The following SLC26A3 variants were observed in gnomAD, a reference collection of about 807,000 sequenced individuals.
The protein encoded by SLC26A3 is solute carrier family 26 member 3.
SLC26A3 carries 64 observed loss-of-function variants against 85.6 expected under a neutral mutation model. The observed-to-expected ratio is 0.75, with a 90% confidence interval of 0.61 to 0.92. The LOEUF (loss-of-function observed/expected upper bound fraction) is 0.92, where lower values mean the gene tolerates loss of function less well. Among genes scored for constraint, SLC26A3 ranks in the 40% least tolerant of loss-of-function variants. SLC26A3 has a pLI of 0.00. For missense variants in SLC26A3, 922 were observed against 927.3 expected, an observed-to-expected ratio of 0.99 and a Z score of 0.07; for synonymous variants, 349 against 336.0, an observed-to-expected ratio of 1.04 and a Z score of -0.42.
In SLC26A3 at chr7:107,773,989, G is replaced by T. The variant is rs949293950; in HGVS notation, c.1938C>A (p.Leu646=). ...CTGAAAAGTCAAGAATGAGGCTGTGGAGGCTGATTTTGGGGACCTCAATGT... is the reference window on the plus strand; with the variant it reads ...CTGAAAAGTCAAGAATGAGGCTGTGTAGGCTGATTTTGGGGACCTCAATGT... ...PLNIEVPKIS[L]HSLILDFSAV... Residue 646 remains leucine, a synonymous_variant, in exon 17 of 21, where the codon CTC becomes CTA. Coordinates refer to ENST00000340010, the MANE Select transcript of SLC26A3 (RefSeq NM_000111.3). The T allele has an allele frequency of 2.5e-6, 4 of 1,614,182 alleles. No homozygotes were observed. The highest frequency in any genetic ancestry group is 3.4e-6 in the Non-Finnish European group (4 of 1,180,016).
chr7:107,786,007 C>T (rs1049304680), intron 8 of SLC26A3, among the ~76,000 whole-genome samples: 5 of 152,182 alleles, frequency 3.3e-5, no homozygotes, highest in African/African-American at 1.2e-4. Context: ...TCTCAATCCA[C>T]TGAATGTAAT....
At position 107,801,824 on chromosome 7, in the gene SLC26A3, A is replaced by G. The variant is rs186342846; in HGVS notation, c.-89+1287T>C. On this transcript the variant is annotated intron_variant, in intron 1 of 20. Transcript: ENST00000340010. ...GCCGGATGGGGTGGCACATGCCTGTAATCCTAGCACTTTGGGAGACTGAGG... is the reference window on the plus strand; with the variant it reads ...GCCGGATGGGGTGGCACATGCCTGTGATCCTAGCACTTTGGGAGACTGAGG... Among the ~76,000 whole-genome samples, 183 of 151,174 alleles carry G rather than the reference A, an allele frequency of 1.2e-3. 1 individual carries two copies. Among genetic ancestry groups the G allele is most frequent in the African/African-American group, 4.3e-3 (177 of 40,690 alleles).
chr7:107,787,783 T>C (rs540540351), intron 6 of SLC26A3, among the ~76,000 whole-genome samples: 6 of 152,218 alleles, frequency 3.9e-5, no homozygotes, highest in Non-Finnish European at 8.8e-5. Context: ...TAGTGTCAAA[T>C]TTTGTTGGAT....
At position 107,774,180 on chromosome 7, in the gene SLC26A3, A is replaced by G. The variant is rs369201350; in HGVS notation, c.1774-27T>C. 9 of 1,541,988 alleles carry G rather than the reference A, an allele frequency of 5.8e-6. No homozygotes were observed. In the African/African-American group the frequency reaches 1.1e-4, roughly 19 times the overall value. The stretch of plus-strand genomic sequence containing the variant: ...TGCAGGAGAGGATAACAAGTATGAA[A>G]ACTGTGACCAAGAAAAACATTGTGT... On this transcript the variant is annotated intron_variant, in intron 16 of 20. Coordinates refer to ENST00000340010, the MANE Select transcript of SLC26A3 (RefSeq NM_000111.3).
rs752239145 is a variant in SLC26A3, at chr7:107,776,483, A to G, written c.1646T>C (p.Ile549Thr). The G allele has an allele frequency of 2.5e-6, 4 of 1,614,122 alleles. No individual in the cohort carries two copies. The highest frequency in any genetic ancestry group is 2.5e-6 in the Non-Finnish European group (3 of 1,179,962). The change falls in exon 15 of 21, where the codon ATT (isoleucine) becomes ACT (threonine). Residue 549 changes from isoleucine (I) to threonine (T), a missense_variant. Coordinates refer to ENST00000340010, the MANE Select transcript of SLC26A3 (RefSeq NM_000111.3). Reference protein sequence around the residue: ...RCPSPIYFANIGFFRRKLIDA... With the variant: ...RCPSPIYFANTGFFRRKLIDA... Reference sequence around the variant, plus strand: ...GATAAGTTTCCGCCTAAAGAAACCAATGTTTGCAAAGTAGATAGGAGATGG... The same window carrying G: ...GATAAGTTTCCGCCTAAAGAAACCAGTGTTTGCAAAGTAGATAGGAGATGG...
chr7:107,795,250 A>G (rs1469746729), intron 1 of SLC26A3, among the ~76,000 whole-genome samples: 2 of 152,190 alleles, frequency 1.3e-5, no homozygotes, highest in Non-Finnish European at 2.9e-5. Context: ...TAATGGGGAT[A>G]AAGATATTCA....
intron 15 of SLC26A3, 54 bp downstream of exon 15, chr7:107,776,398 T>C (rs1794115665): frequency 7.4e-7 from 1 of 1,354,670 alleles, no homozygotes; most frequent in Non-Finnish European, 1.1e-6. Context: ...ACAATGACAT[T>C]CCCAGAATTC....
intron 18 of SLC26A3, among the ~76,000 whole-genome samples, chr7:107,768,241 G>A (rs1793948737): frequency 1.3e-5 from 2 of 152,204 alleles, no homozygotes; most frequent in South Asian, 4.1e-4. Context: ...AGAGTATCAA[G>A]TGTGGCTTCT....
At position 107,782,842 on chromosome 7, in the gene SLC26A3, C is replaced by A; in HGVS notation, c.1266G>T (p.Leu422=). The part of the protein sequence containing the change: ...IAGLIGAIIV[L]IVVLAIGFLL... Reference sequence around the variant, plus strand: ...GAAATCCAATGGCTAGAACGACAATCAGCACGATGATGGCACCAATAAGCC... The same window carrying A: ...GAAATCCAATGGCTAGAACGACAATAAGCACGATGATGGCACCAATAAGCC... Residue 422 remains leucine, a synonymous_variant, in exon 11 of 21, where the codon CTG becomes CTT. Coordinates refer to ENST00000340010, the MANE Select transcript of SLC26A3 (RefSeq NM_000111.3). 6.2e-7 allele frequency: 1 copy of A among 1,614,126 alleles called. No individual in the cohort carries two copies.
chr7:107,779,140 T>A (rs1794176948), intron 12 of SLC26A3, among the ~76,000 whole-genome samples: 1 of 152,186 alleles, frequency 6.6e-6, no homozygotes, highest in African/African-American at 2.4e-5. Flanking sequence ...CAAGTGTAGT[T>A]TACTAGTTAT....
chr7:107,781,639 A>C (rs1794216299), intron 11 of SLC26A3, among the ~76,000 whole-genome samples: 1 of 152,134 alleles, frequency 6.6e-6, no homozygotes, highest in South Asian at 2.1e-4. Context: ...TTATTTTGAA[A>C]TCAGAAGTAT....
chr7:107,795,106 A>G (rs1794474526), intron 1 of SLC26A3, among the ~76,000 whole-genome samples: 1 of 152,182 alleles, frequency 6.6e-6, no homozygotes, highest in Non-Finnish European at 1.5e-5. Flanking sequence ...TGGGAGTTAG[A>G]GTTTTACAAT....
At position 107,767,916 on chromosome 7, in the gene SLC26A3, G is replaced by T; in HGVS notation, c.2063-8C>A. On this transcript the variant is annotated splice_polypyrimidine_tract_variant and splice_region_variant and intron_variant, in intron 18 of 20. Transcript: ENST00000340010. ...GCTTCTCAATGAAGTCATCTGAAGAGAAAAAAACAGTAACTTTTAGGAAGA... is the reference window on the plus strand; with the variant it reads ...GCTTCTCAATGAAGTCATCTGAAGATAAAAAAACAGTAACTTTTAGGAAGA... The T allele has an allele frequency of 6.2e-7, 1 of 1,612,496 alleles. No homozygotes were observed. Among genetic ancestry groups the T allele is most frequent in the South Asian group, 1.1e-5 (1 of 90,962 alleles).
At position 107,793,873 on chromosome 7, in the gene SLC26A3, G is replaced by A; in HGVS notation, c.140C>T (p.Pro47Leu). The A allele has an allele frequency of 2.5e-6, 4 of 1,614,018 alleles. No individual in the cohort carries two copies. The highest frequency in any genetic ancestry group is 3.4e-6 in the Non-Finnish European group (4 of 1,179,958). Residue 47 changes from proline to leucine, a missense_variant, in exon 3 of 21, where the codon CCA becomes CTA. Pro to Leu is a moderately conservative substitution (Grantham distance 98, BLOSUM62 -3). Coordinates refer to ENST00000340010, the MANE Select transcript of SLC26A3 (RefSeq NM_000111.3). ...GAGGACAATTCTCTTGGCCTTTTGTGGGGAACAGCTGAAAACATGGAAAGC... is the reference window on the plus strand; with the variant it reads ...GAGGACAATTCTCTTGGCCTTTTGTAGGGAACAGCTGAAAACATGGAAAGC... ...DHLKVCCSCS[P>L]QKAKRIVLSL...
Position 107,791,024 on chromosome 7 carries a change from C to T in SLC26A3, c.570+24G>A, listed in dbSNP as rs1304439874. 5.0e-6 allele frequency: 8 copies of T among 1,610,836 alleles called. 1 individual carries two copies. The South Asian group carries it at 8.8e-5, about 18-fold the overall frequency. ...GTCAAGATGAACAGATTGAGGTGGG[C>T]AAGTTACATGAGAAGGTGCTCACCT... On this transcript the variant is annotated intron_variant, in intron 5 of 20. Transcript: ENST00000340010.
chr7:107,789,707 C>G lies in SLC26A3; in HGVS notation c.571-19G>C. The G allele has an allele frequency of 6.2e-7, 1 of 1,608,608 alleles. No individual in the cohort carries two copies. On this transcript the variant is annotated intron_variant, in intron 5 of 20. Coordinates refer to ENST00000340010, the MANE Select transcript of SLC26A3 (RefSeq NM_000111.3). ...AAGCCAACTGGAAAGAGAACAAAAGCCTTTGTCAGCATAGATTAGGAGTAT... is the reference window on the plus strand; with the variant it reads ...AAGCCAACTGGAAAGAGAACAAAAGGCTTTGTCAGCATAGATTAGGAGTAT...
intron 4 of SLC26A3, 105 bp downstream of exon 4, chr7:107,791,725 T>G: frequency 2.5e-6 from 2 of 789,040 alleles, no homozygotes; most frequent in Non-Finnish European, 4.4e-6. Context: ...AGACCATGAC[T>G]CTTCTCCTGG....
chr7:107,776,819 G>T, intron 13 of SLC26A3, 113 bp from the exon 14 acceptor site: 1 of 949,756 alleles, frequency 1.1e-6, no homozygotes, highest in Non-Finnish European at 1.7e-6. Flanking sequence ...AAATGTAAAA[G>T]GTTGGGGAAT....
chr7:107,791,338 G>C (rs1047551943), intron 4 of SLC26A3, 103 bp from the exon 5 acceptor site: 2 of 1,285,752 alleles, frequency 1.6e-6, no homozygotes, highest in Admixed American at 1.7e-5. Context: ...AAGGCTGGGC[G>C]TGGTGGCTCA....
Sources: gnomAD v4.1 joint callset for allele counts (sites outside exome capture counted in the v4.1 genomes callset) on GRCh38, gnomAD v4.1.1 for gene constraint, MANE v1.5 for transcripts, NCBI Gene and HGNC (gene_info 2026-07-23, HGNC 2026-07-21) for gene names.